Variants in ACSM3 observed in about 807,000 individuals in gnomAD.
The protein encoded by ACSM3 is acyl-coenzyme A synthetase ACSM3, mitochondrial.
Under a neutral mutation model 74.1 loss-of-function variants are expected in ACSM3, and 61 were observed. That is an observed-to-expected ratio of 0.82 (90% CI 0.67 to 1.02). The LOEUF is 1.02. Among genes scored for constraint, ACSM3 ranks in the 50% least tolerant of loss-of-function variants. ACSM3 has a pLI of 0.00. For synonymous variants in ACSM3, 213 were observed against 241.5 expected, an observed-to-expected ratio of 0.88 and a Z score of 1.09; for missense variants, 660 against 697.0, an observed-to-expected ratio of 0.95 and a Z score of 0.60.
intron 2 of ACSM3, among the ~76,000 whole-genome samples, chr16:20,755,400 G>C (rs1440985256): frequency 6.6e-6 from 1 of 151,948 alleles, no homozygotes; most frequent in East Asian, 1.9e-4. Flanking sequence ...AAATGCTTCA[G>C]TGAACAATTA....
Position 20,734,048 on chromosome 16 carries a change from G to A in ACSM3, c.-189-15862G>A, listed in dbSNP as rs184650960. The A allele has an allele frequency of 7.2e-5, 11 of 152,240 alleles. No individual in the cohort carries two copies. The South Asian group carries it at 1.0e-3, about 14-fold the overall frequency. 9.4% of individuals were successfully genotyped at this position (152,240 alleles called of 1,614,324 possible). ...CTTTTAATGAGTTCAGGTTACAACC[G>A]AACACAGGATTTTGTAACTGGGAAA... On this transcript the variant is annotated intron_variant, in intron 1 of 3. Transcript: ENST00000561584.
intron 1 of ACSM3, among the ~76,000 whole-genome samples, chr16:20,716,859 T>A (rs1383800858): frequency 6.6e-6 from 1 of 152,158 alleles, no homozygotes; most frequent in Non-Finnish European, 1.5e-5. Context: ...TGGTATTGGG[T>A]CTGATCACCC....
At position 20,796,490 on chromosome 16, in the gene ACSM3, G is replaced by A. The variant is rs914937693; in HGVS notation, c.1674+1G>A. 1 of 1,610,940 alleles carries A rather than the reference G, an allele frequency of 6.2e-7. No homozygotes were observed. On this transcript the variant is annotated splice_donor_variant, in intron 13 of 13. Coordinates refer to ENST00000289416, the MANE Select transcript of ACSM3 (RefSeq NM_005622.4). LOFTEE classifies it high-confidence loss of function. Reference sequence around the variant, plus strand: ...AGCACCTTACAAATATCCCAGAAAGGTAGGCATCCTAATTATAACGAATAT... The same window carrying A: ...AGCACCTTACAAATATCCCAGAAAGATAGGCATCCTAATTATAACGAATAT...
At chr16:20,706,854 A>G (rs1367491131) in intron 1 of ACSM3, among the ~76,000 whole-genome samples, 2 of 152,146 alleles carry the variant, frequency 1.3e-5, no homozygotes, top group African/African-American at 4.8e-5. Context: ...ATAAGGACCC[A>G]GAGAGAGACA....
At chr16:20,774,843 G>A (rs1005050368) in intron 2 of ACSM3, among the ~76,000 whole-genome samples, 3 of 152,194 alleles carry the variant, frequency 2.0e-5, no homozygotes, top group Non-Finnish European at 4.4e-5. Flanking sequence ...CAGTGCACAT[G>A]GGTACTTGTA....
intron 1 of ACSM3, among the ~76,000 whole-genome samples, chr16:20,689,762 C>T (rs1409565218): frequency 6.6e-6 from 1 of 152,122 alleles, no homozygotes; most frequent in Non-Finnish European, 1.5e-5. Flanking sequence ...TTCAAAAATT[C>T]TCAACCAGAT....
intron 2 of ACSM3, among the ~76,000 whole-genome samples, chr16:20,772,022 A>G (rs1381008577): frequency 6.6e-6 from 1 of 152,180 alleles, no homozygotes; most frequent in African/African-American, 2.4e-5. Context: ...CTTGCTGCCA[A>G]TTAGTATGTC....
At chr16:20,681,901 T>C in intron 1 of ACSM3, 1 of 175,450 alleles carries the variant, frequency 5.7e-6, no homozygotes, top group Non-Finnish European at 1.2e-5. Context: ...GTGAAGACCC[T>C]GTTTCTCCAG....
chr16:20,762,728 A>AT (rs1467244146), upstream of ACSM3, among the ~76,000 whole-genome samples: 1 of 152,232 alleles, frequency 6.6e-6, no homozygotes, highest in East Asian at 1.9e-4. Flanking sequence ...CCTATTCATG[A>AT]TAAAAACACT....
At position 20,790,854 on chromosome 16, in the gene ACSM3, A is replaced by C; in HGVS notation, c.1326+166A>C. 6.2e-7 allele frequency: 1 copy of C among 1,614,028 alleles called. No homozygotes were observed. Among genetic ancestry groups the C allele is most frequent in the South Asian group, 1.1e-5 (1 of 91,076 alleles). On this transcript the variant is annotated intron_variant, in intron 10 of 13. Coordinates refer to ENST00000289416, the MANE Select transcript of ACSM3 (RefSeq NM_005622.4). The surrounding 1 kb of genome is among the most constrained non-coding windows in gnomAD (Gnocchi z 4.0). ...GACAAGAAATTGAAGAAATACCCAA[A>C]TTCTTGCTGAAGAAAAGCATGCTGG...
At chr16:20,783,359 G>C (rs1187550155) in intron 7 of ACSM3, 1 of 152,172 alleles carries the variant, frequency 6.6e-6, no homozygotes, top group Non-Finnish European at 1.5e-5. Flanking sequence ...CAAAATGCTT[G>C]AGACCAGAAG....
At chr16:20,706,169 G>T (rs1417792340) in intron 1 of ACSM3, among the ~76,000 whole-genome samples, 2 of 151,512 alleles carry the variant, frequency 1.3e-5, no homozygotes, top group African/African-American at 4.9e-5. Context: ...ATGACCAAAA[G>T]TTTTCCAGAT....
At chr16:20,742,150 T>C (rs1478253906) in intron 1 of ACSM3, 2 of 930,550 alleles carry the variant, frequency 2.1e-6, no homozygotes, top group Non-Finnish European at 1.4e-6. Context: ...TTGAACTCAA[T>C]TGAACGTGGA....
chr16:20,713,839 G>C (rs926001882), intron 1 of ACSM3, among the ~76,000 whole-genome samples: 1 of 152,148 alleles, frequency 6.6e-6, no homozygotes, highest in African/African-American at 2.4e-5. Context: ...ACTCCAAAAA[G>C]GGCACAGATT....
rs764377613 is a variant in ACSM3 at position 20,691,171 on chromosome 16, C to A, written c.-190+16349C>A. 7 of 1,593,794 alleles carry A rather than the reference C, an allele frequency of 4.4e-6. No individual in the cohort carries two copies. The African/African-American group carries it at 9.5e-5, about 22-fold the overall frequency. Reference sequence around the variant, plus strand: ...TGTGGATGCCCCAGAGGGTCCGGAACCTCATTAGCCACTGCATGGTGAAAC... The same window carrying A: ...TGTGGATGCCCCAGAGGGTCCGGAAACTCATTAGCCACTGCATGGTGAAAC... On this transcript the variant is annotated intron_variant, in intron 1 of 3. Coordinates refer to the ACSM3 transcript ENST00000561584.
intron 1 of ACSM3, among the ~76,000 whole-genome samples, chr16:20,737,520 A>G (rs529822633): frequency 5.3e-5 from 8 of 152,344 alleles, no homozygotes; most frequent in African/African-American, 1.9e-4. Context: ...AAAGACTTTT[A>G]TCTAACTACC....
chr16:20,757,066 C>G (rs948856513), intron 3 of ACSM3, among the ~76,000 whole-genome samples: 7 of 150,926 alleles, frequency 4.6e-5, no homozygotes, highest in Admixed American at 3.3e-4. Flanking sequence ...AGTCAGGTAG[C>G]GTGATGCCTC....
chr16:20,717,467 G>T (rs1420219546), intron 1 of ACSM3, among the ~76,000 whole-genome samples: 1 of 152,172 alleles, frequency 6.6e-6, no homozygotes, highest in African/African-American at 2.4e-5. Flanking sequence ...CATTCTGTCT[G>T]CTACAGATGT....
At chr16:20,684,522 G>A (rs1351303789) in intron 1 of ACSM3, among the ~76,000 whole-genome samples, 1 of 152,196 alleles carries the variant, frequency 6.6e-6, no homozygotes, top group East Asian at 1.9e-4. Flanking sequence ...TGCCTAACGT[G>A]TCTAATCTGA....
Sources: allele counts gnomAD v4.1 joint callset (sites outside exome capture counted in the v4.1 genomes callset), GRCh38; gene constraint gnomAD v4.1.1; non-coding constraint Gnocchi (gnomAD v3.1); transcripts MANE v1.5; gene names NCBI Gene and HGNC (gene_info 2026-07-23, HGNC 2026-07-21).